Variants in EXTL3 observed in about 807,000 individuals in gnomAD.
EXTL3 encodes exostosin like glycosyltransferase 3.
In EXTL3, 27 loss-of-function variants were observed where a neutral mutation model predicts 69.3. That is an observed-to-expected ratio of 0.39 (90% CI 0.29 to 0.54). EXTL3 has a LOEUF of 0.54. Ranked by LOEUF, EXTL3 falls within the 20% of genes least tolerant of loss-of-function variation. The pLI, the probability that EXTL3 is intolerant of heterozygous loss-of-function variation, is 0.69. For synonymous variants in EXTL3, 511 were observed against 499.4 expected, an observed-to-expected ratio of 1.02 and a Z score of -0.31; for missense variants, 1,003 against 1,231.8, an observed-to-expected ratio of 0.81 and a Z score of 2.78.
chr8:28,743,789 G>T (rs1585297379), intron 6 of EXTL3, among the ~76,000 whole-genome samples: 1 of 152,250 alleles, frequency 6.6e-6, no homozygotes, highest in South Asian at 2.1e-4. Flanking sequence ...ACTTTGAGGA[G>T]TCTACAGTCT....
chr8:28,683,575 G>A (rs1701465963), intron 1 of EXTL3, among the ~76,000 whole-genome samples: 1 of 152,162 alleles, frequency 6.6e-6, no homozygotes. Context: ...AGCACTTTGG[G>A]AGGCCGAGGC....
chr8:28,681,125 C>T lies in EXTL3; in HGVS notation c.-52-32332C>T, dbSNP rs893661965. 4.6e-5 allele frequency among the ~76,000 whole-genome samples: 7 copies of T among 152,060 alleles called. 1 individual carries two copies. The South Asian group carries it at 1.2e-3, about 27-fold the overall frequency. On this transcript the variant is annotated intron_variant, in intron 1 of 6. Transcript: ENST00000523149. ...TCCTGACCTTGTGATCCGCCCACCT[C>T]GGCCTCCCACAGTGCTGGGATACAG...
At chr8:28,646,190 C>T (rs1806827562) in intron 1 of EXTL3, among the ~76,000 whole-genome samples, 1 of 152,188 alleles carries the variant, frequency 6.6e-6, no homozygotes, top group Non-Finnish European at 1.5e-5. Context: ...CTACTCCAGC[C>T]ACCAGAGCTT....
At chr8:28,720,044 C>G (rs1373713183) in intron 3 of EXTL3, among the ~76,000 whole-genome samples, 1 of 152,024 alleles carries the variant, frequency 6.6e-6, no homozygotes. Flanking sequence ...TTTTCTGGTC[C>G]TTTTAAAAAA....
chr8:28,692,302 A>G (rs1163310479), intron 1 of EXTL3, among the ~76,000 whole-genome samples: 1 of 152,166 alleles, frequency 6.6e-6, no homozygotes, highest in Non-Finnish European at 1.5e-5. Context: ...GATCTATGGC[A>G]TAGTGTTTGC....
chr8:28,677,633 A>G (rs1807409135), intron 1 of EXTL3, among the ~76,000 whole-genome samples: 1 of 152,246 alleles, frequency 6.6e-6, no homozygotes, highest in South Asian at 2.1e-4. Flanking sequence ...TGTGAAGCAC[A>G]AAGACACAGC....
intron 1 of EXTL3, among the ~76,000 whole-genome samples, chr8:28,668,965 G>A (rs1358924078): frequency 1.4e-5 from 2 of 144,252 alleles, no homozygotes; most frequent in Non-Finnish European, 3.0e-5. Flanking sequence ...CTGGGTTCAA[G>A]CAATTCTCCT....
intron 1 of EXTL3, among the ~76,000 whole-genome samples, chr8:28,709,835 G>T (rs1206735910): frequency 6.6e-6 from 1 of 152,152 alleles, no homozygotes; most frequent in Non-Finnish European, 1.5e-5. Context: ...CGTGGAGGTG[G>T]AGGGGCGAGA....
At chr8:28,666,218 C>T (rs527772491) in intron 1 of EXTL3, among the ~76,000 whole-genome samples, 10 of 152,208 alleles carry the variant, frequency 6.6e-5, no homozygotes, top group Non-Finnish European at 1.3e-4. Flanking sequence ...GTTTAAACTC[C>T]GGAAGGTTCT....
At chr8:28,691,015 A>AT (rs1387382207) in intron 1 of EXTL3, among the ~76,000 whole-genome samples, 1 of 152,108 alleles carries the variant, frequency 6.6e-6, no homozygotes, top group African/African-American at 2.4e-5. Context: ...ATGCCTTAAT[A>AT]TATATGTGTG....
chr8:28,738,319 C>T (rs775886575), intron 5 of EXTL3, among the ~76,000 whole-genome samples: 3 of 152,186 alleles, frequency 2.0e-5, no homozygotes, highest in South Asian at 4.1e-4. Context: ...AGAATGGAGA[C>T]GTGCTGTTCA....
At chr8:28,684,959 T>G (rs1024721309) in intron 1 of EXTL3, among the ~76,000 whole-genome samples, 37 of 151,548 alleles carry the variant, frequency 2.4e-4, no homozygotes, top group African/African-American at 7.7e-4. Flanking sequence ...TAATGTTGTG[T>G]TTTTTTTTCT....
chr8:28,722,795 A>AG lies in EXTL3; in HGVS notation c.2148+4588_2148+4589insG, dbSNP rs1554485462. On this transcript the variant is annotated intron_variant, in intron 3 of 6. Transcript: ENST00000220562. ...TCTCTAAAAAAAAAAAAAAAAAAAA[A>AG]AGAGAGATACAAGATTATTATTTTT... is the stretch of plus-strand genomic sequence containing the variant. 3.5e-3 allele frequency among the ~76,000 whole-genome samples: 535 copies of AG among 150,920 alleles called. 5 individuals are homozygous for AG. Among genetic ancestry groups the AG allele is most frequent in the African/African-American group, 0.013 (513 of 40,988 alleles).
At chr8:28,723,138 C>G (rs1801334223) in intron 3 of EXTL3, among the ~76,000 whole-genome samples, 1 of 152,180 alleles carries the variant, frequency 6.6e-6, no homozygotes, top group South Asian at 2.1e-4. Flanking sequence ...TCTGCCCACT[C>G]TACTTTTAAA....
At chr8:28,663,497 G>A (rs1052079193) in intron 1 of EXTL3, among the ~76,000 whole-genome samples, 1 of 151,870 alleles carries the variant, frequency 6.6e-6, no homozygotes, top group Non-Finnish European at 1.5e-5. Context: ...GTGTCGCCAC[G>A]CTAGAGTACA....
chr8:28,696,829 G>C (rs1800693646), upstream of EXTL3: 1 of 152,124 alleles, frequency 6.6e-6, no homozygotes, highest in South Asian at 2.1e-4. Context: ...CAAAGTGCTG[G>C]GATTACAGGT....
intron 1 of EXTL3, among the ~76,000 whole-genome samples, chr8:28,669,116 G>C (rs1807245447): frequency 6.6e-6 from 1 of 152,056 alleles, no homozygotes; most frequent in Non-Finnish European, 1.5e-5. Context: ...CACCTGCCTT[G>C]GCCTCCCAAA....
chr8:28,699,045 A>G (rs572086938), upstream of EXTL3, among the ~76,000 whole-genome samples: 4 of 152,254 alleles, frequency 2.6e-5, no homozygotes, highest in South Asian at 8.3e-4. Flanking sequence ...GAAGGGATCT[A>G]TGGTCCCAGT....
At chr8:28,642,931 G>A (rs542044397) in intron 1 of EXTL3, among the ~76,000 whole-genome samples, 3 of 120,616 alleles carry the variant, frequency 2.5e-5, no homozygotes, top group East Asian at 4.8e-4. Context: ...GTGCAATACA[G>A]GTGTAGGGTA....
Sources: gnomAD v4.1 joint callset for allele counts (sites outside exome capture counted in the v4.1 genomes callset) on GRCh38, gnomAD v4.1.1 for gene constraint, MANE v1.5 for transcripts, NCBI Gene and HGNC (gene_info 2026-07-23, HGNC 2026-07-21) for gene names.